The following PLAA variants were observed in gnomAD, a reference collection of about 807,000 sequenced individuals.
PLAA encodes the protein phospholipase A2 activating protein.
Under a neutral mutation model 84.1 loss-of-function variants are expected in PLAA, and 48 were observed. The ratio of observed to expected loss-of-function variants is 0.57; its 90% CI spans 0.45 to 0.73. The LOEUF (loss-of-function observed/expected upper bound fraction) is 0.73, where lower values mean the gene tolerates loss of function less well. Ranked by LOEUF, PLAA falls within the 30% of genes least tolerant of loss-of-function variation. The pLI is 0.00. For synonymous variants in PLAA, 392 were observed against 336.6 expected (o/e 1.16, Z -1.80); for missense variants, 903 against 954.7 (o/e 0.95, Z 0.71).
chr9:26,943,920 T>C (rs773549342), intron 1 of PLAA, among the ~76,000 whole-genome samples: 4 of 152,118 alleles, frequency 2.6e-5, no homozygotes, highest in Admixed American at 1.3e-4. Context: ...TGCCATTGCA[T>C]TCCAGCCTGG....
At chr9:26,922,965 TA>T (rs762170395) in intron 7 of PLAA, among the ~76,000 whole-genome samples, 20 of 152,328 alleles carry the variant, frequency 1.3e-4, no homozygotes, top group Non-Finnish European at 1.9e-4. Flanking sequence ...ATTTATTTTT[TA>T]ATTCCTGTTT....
At position 26,928,302 on chromosome 9, in the gene PLAA, C is replaced by A; in HGVS notation, c.444+6G>T. 6.2e-7 allele frequency: 1 copy of A among 1,613,850 alleles called. No homozygotes were observed. The highest frequency in any genetic ancestry group is 8.5e-7 in the Non-Finnish European group (1 of 1,179,700). On this transcript the variant is annotated splice_donor_region_variant and intron_variant, in intron 3 of 13. Coordinates refer to ENST00000397292, the MANE Select transcript of PLAA (RefSeq NM_001031689.3). The stretch of plus-strand genomic sequence containing the variant: ...TCTTTAGAATATTTACACAGAACTA[C>A]TGTACCTGCAAGGTCATCATGCACT...
chr9:26,917,898 C>T (rs1312748929), intron 9 of PLAA, among the ~76,000 whole-genome samples: 1 of 152,118 alleles, frequency 6.6e-6, no homozygotes, highest in Non-Finnish European at 1.5e-5. Flanking sequence ...CCTAGATTTC[C>T]AGACAAAGTC....
At chr9:26,942,877 C>CAAAGA (rs1554661794) in intron 1 of PLAA, among the ~76,000 whole-genome samples, 1 of 51,360 alleles carries the variant, frequency 1.9e-5, no homozygotes, top group Non-Finnish European at 3.8e-5. Context: ...AGACTCGTCT[C>CAAAGA]AAAAAAAAAA....
At chr9:26,937,098 G>A (rs1467845521) in intron 1 of PLAA, among the ~76,000 whole-genome samples, 5 of 151,864 alleles carry the variant, frequency 3.3e-5, no homozygotes, top group South Asian at 2.1e-4. Flanking sequence ...CCAAGATTGC[G>A]CCATCGCACT....
intron 5 of PLAA, 116 bp from the exon 6 acceptor site, chr9:26,926,076 T>G (rs1824947524): frequency 2.6e-6 from 2 of 770,908 alleles, no homozygotes; most frequent in African/African-American, 1.8e-5. Context: ...AATTACAGTT[T>G]TAAATTTCAT....
At chr9:26,942,709 C>T (rs1255972946) in intron 1 of PLAA, among the ~76,000 whole-genome samples, 2 of 151,894 alleles carry the variant, frequency 1.3e-5, no homozygotes, top group Non-Finnish European at 2.9e-5. Context: ...TGTGAAACCC[C>T]GTCTCTACTA....
intron 1 of PLAA, among the ~76,000 whole-genome samples, chr9:26,936,651 T>C (rs1354885388): frequency 6.6e-6 from 1 of 152,224 alleles, no homozygotes; most frequent in Non-Finnish European, 1.5e-5. Context: ...CAGAGAACCT[T>C]GCTCACAGCT....
rs1185750591 is a variant in PLAA, at chr9:26,904,947, C to T, written c.*564G>A. ...GCTTTTTCTTCATCTAAAAATAGGCCATTAAACAAATATACTTTAGGATTT... is the reference window on the plus strand; with the variant it reads ...GCTTTTTCTTCATCTAAAAATAGGCTATTAAACAAATATACTTTAGGATTT... On this transcript the variant is annotated 3_prime_UTR_variant, in exon 14 of 14. Transcript: ENST00000397292. 3 of 151,942 alleles carry T rather than the reference C, an allele frequency of 2.0e-5. No individual in the cohort carries two copies. Among genetic ancestry groups the T allele is most frequent in the African/African-American group, 7.2e-5 (3 of 41,454 alleles). 9.4% of individuals were successfully genotyped at this position (151,942 alleles called of 1,614,324 possible).
chr9:26,907,818 AAG>A lies in PLAA; in HGVS notation c.1822+14_1822+15del, dbSNP rs1358383524. On this transcript the variant is annotated intron_variant, in intron 13 of 13. Transcript: ENST00000397292. The stretch of plus-strand genomic sequence containing the variant: ...TTCTTGCTTTCTGGTTACATTTTTG[AAG>A]AGTGTTTATTTACCTTCAGGACAGT... 1 of 1,581,174 alleles carries A rather than the reference AAG, an allele frequency of 6.3e-7. No individual in the cohort carries two copies. The highest frequency in any genetic ancestry group is 1.4e-5 in the African/African-American group (1 of 72,874).
In PLAA at chr9:26,928,289, T is replaced by A; in HGVS notation, c.444+19A>T. On this transcript the variant is annotated intron_variant, in intron 3 of 13. Coordinates refer to ENST00000397292, the MANE Select transcript of PLAA (RefSeq NM_001031689.3). ...TCAACTTAATTATTCTTTAGAATAT[T>A]TACACAGAACTACTGTACCTGCAAG... is the stretch of plus-strand genomic sequence containing the variant. 6.2e-7 allele frequency: 1 copy of A among 1,613,922 alleles called. No individual in the cohort carries two copies. Among genetic ancestry groups the A allele is most frequent in the Non-Finnish European group, 8.5e-7 (1 of 1,179,810 alleles).
Position 26,905,674 on chromosome 9 carries a change from G to A in PLAA, c.2225C>T (p.Thr742Ile), listed in dbSNP as rs1251161698. 2.5e-6 allele frequency: 4 copies of A among 1,614,074 alleles called. No individual in the cohort carries two copies. The highest frequency in any genetic ancestry group is 2.2e-5 in the East Asian group (1 of 44,894). Residue 742 changes from threonine (T) to isoleucine (I), a missense_variant, in exon 14 of 14, where the codon ACT becomes ATT. Coordinates refer to ENST00000397292, the MANE Select transcript of PLAA (RefSeq NM_001031689.3). The part of the protein sequence containing the change: ...ILEVVQDLEA[T>I]FRLLVALGTL... ...TCCAAGAGCCACAAGAAGTCTAAAA[G>A]TGGCTTCTAGGTCTTGTACTACTTC...
intron 13 of PLAA, among the ~76,000 whole-genome samples, chr9:26,906,700 T>A (rs1824247970): frequency 6.6e-6 from 1 of 152,068 alleles, no homozygotes; most frequent in South Asian, 2.1e-4. Flanking sequence ...AGTGCTGGGA[T>A]TACAGGCATG....
intron 10 of PLAA, chr9:26,916,185 C>A: frequency 1.0e-6 from 1 of 985,374 alleles, no homozygotes; most frequent in Non-Finnish European, 1.2e-6. Context: ...TTTGTCCAAT[C>A]TCTATGACTT....
chr9:26,942,594 G>A (rs1825573453), intron 1 of PLAA, among the ~76,000 whole-genome samples: 2 of 150,584 alleles, frequency 1.3e-5, no homozygotes, highest in Non-Finnish European at 3.0e-5. Context: ...AAGAGTCAGA[G>A]CACGGAGGCC....
In PLAA at chr9:26,909,234, C is replaced by T. The variant is rs545845007; in HGVS notation, c.1657+1104G>A. Among the ~76,000 whole-genome samples the T allele has an allele frequency of 2.1e-3, 316 of 152,228 alleles. 3 individuals are homozygous for T. Among genetic ancestry groups the T allele is most frequent in the Non-Finnish European group, 2.6e-3 (176 of 68,016 alleles). On this transcript the variant is annotated intron_variant, in intron 12 of 13. Coordinates refer to ENST00000397292, the MANE Select transcript of PLAA (RefSeq NM_001031689.3). ...TAAATGGAAACTAGGGCCTGTTTCA[C>T]TAATCTCAGGTATTAACAGCTTTAA...
chr9:26,935,167 G>T lies in PLAA; in HGVS notation c.189C>A (p.Gly63=). ...ATACACAAGATACAAAATTGGAATG[G>T]CCACTCATACAGTGCATTTCTGTAA... ...RSFTEMHCMS[G]HSNFVSCVCI... Residue 63 remains glycine (G), a synonymous_variant, in exon 2 of 14, where the codon GGC becomes GGA. Transcript: ENST00000397292. 3 of 1,595,834 alleles carry T rather than the reference G, an allele frequency of 1.9e-6. No individual in the cohort carries two copies. The highest frequency in any genetic ancestry group is 1.4e-5 in the African/African-American group (1 of 73,944).
chr9:26,906,125 C>A (rs1295655667), intron 13 of PLAA, 49 bp from the exon 14 acceptor site: 1 of 1,220,512 alleles, frequency 8.2e-7, no homozygotes, highest in East Asian at 2.6e-5. Flanking sequence ...AAGAAAATTT[C>A]TTTTGACTAT....
At chr9:26,926,085 A>G (rs543785382) in intron 5 of PLAA, 125 bp from the exon 6 acceptor site, 2 of 740,242 alleles carry the variant, frequency 2.7e-6, no homozygotes, top group Admixed American at 2.9e-5. Context: ...TTTAAATTTC[A>G]TATGTTTGTC....
Sources: allele counts gnomAD v4.1 joint callset (sites outside exome capture counted in the v4.1 genomes callset), GRCh38; gene constraint gnomAD v4.1.1; transcripts MANE v1.5; gene names NCBI Gene and HGNC (gene_info 2026-07-23, HGNC 2026-07-21).